The following CIT variants were observed in gnomAD, a reference collection of about 807,000 sequenced individuals.
CIT encodes the protein citron rho-interacting serine/threonine kinase, also known as citron Rho-interacting kinase.
In CIT, 79 loss-of-function variants were observed where a neutral mutation model predicts 272.7. That is an observed-to-expected ratio of 0.29 (90% CI 0.24 to 0.35). CIT has a LOEUF of 0.35. Among genes scored for constraint, CIT ranks in the 10% least tolerant of loss-of-function variants. The pLI, the probability that CIT is intolerant of heterozygous loss-of-function variation, is 1.00. For missense variants in CIT, 1,909 were observed against 2,618.3 expected, an observed-to-expected ratio of 0.73 and a Z score of 5.91; for synonymous variants, 948 against 995.6, an observed-to-expected ratio of 0.95 and a Z score of 0.90.
In CIT at chr12:119,710,131, A is replaced by T. The variant is rs1957092090; in HGVS notation, c.5071+120T>A. The T allele has an allele frequency of 6.3e-6, 7 of 1,117,588 alleles. No individual in the cohort carries two copies. The highest frequency in any genetic ancestry group is 2.0e-4 in the Middle Eastern group (1 of 4,900). 69.2% of individuals were successfully genotyped at this position (1,117,588 alleles called of 1,614,324 possible). A position where few individuals can be genotyped will look rare whatever the true frequency, so the allele number is the denominator to read the frequency against. ...GAGGCTTGGGCATCTATGGGGACAC[A>T]GAGATAAGAGCTACAACGGCTCCTC... On this transcript the variant is annotated intron_variant, in intron 39 of 47. Transcript: ENST00000392521. This position sits in a 1 kb window ranked among gnomAD's most constrained non-coding sequence, Gnocchi z 5.6.
At chr12:119,826,676 G>A (rs1281409826) in intron 7 of CIT, among the ~76,000 whole-genome samples, 3 of 152,160 alleles carry the variant, frequency 2.0e-5, no homozygotes. Context: ...TTGGCCAGCT[G>A]TCCTATAACT....
intron 28 of CIT, among the ~76,000 whole-genome samples, chr12:119,723,723 A>G (rs1267115758): frequency 6.6e-6 from 1 of 152,244 alleles, no homozygotes; most frequent in East Asian, 1.9e-4. Context: ...TGTCAATGGA[A>G]TAAATCTAGA....
At chr12:119,763,651 C>A (rs1200052752) in intron 19 of CIT, among the ~76,000 whole-genome samples, 1 of 152,128 alleles carries the variant, frequency 6.6e-6, no homozygotes, top group Non-Finnish European at 1.5e-5. Flanking sequence ...AAGGACCACT[C>A]AATTCTTTGA....
Position 119,718,261 on chromosome 12 carries a change from C to T in CIT, c.4152G>A (p.Glu1384=), listed in dbSNP as rs2053981845. ...CCAACGTACCCTCTGGAGTTGAAGA[C>T]TCCTTTCTGCGGCTGGATGGCGGGG... ...LLAPPSSRRK[E]SSTPEEFSRR... is the part of the protein sequence containing the mutation. The change falls in exon 32 of 48, where the codon GAG becomes GAA. Residue 1384 remains glutamate, a synonymous_variant. Coordinates refer to ENST00000392521, the MANE Select transcript of CIT (RefSeq NM_001206999.2). The surrounding 1 kb of genome is among the most constrained non-coding windows in gnomAD (Gnocchi z 4.8). 1.2e-6 allele frequency: 2 copies of T among 1,613,200 alleles called. No individual in the cohort carries two copies. Among genetic ancestry groups the T allele is most frequent in the Admixed American group, 3.3e-5 (2 of 59,928 alleles).
intron 41 of CIT, 129 bp from the exon 42 acceptor site, chr12:119,702,087 T>A: frequency 1.5e-6 from 1 of 688,394 alleles, no homozygotes; most frequent in Non-Finnish European, 2.5e-6. Context: ...CTTGTTCACG[T>A]TGTCATAGAG....
intron 10 of CIT, among the ~76,000 whole-genome samples, chr12:119,798,106 A>C (rs1965890329): frequency 6.6e-6 from 1 of 152,192 alleles, no homozygotes; most frequent in African/African-American, 2.4e-5. Flanking sequence ...CACACACACC[A>C]GATAAGAGTC....
At chr12:119,785,234 A>C (rs574652849) in intron 10 of CIT, among the ~76,000 whole-genome samples, 169 bp from the exon 11 acceptor site, 1 of 152,334 alleles carries the variant, frequency 6.6e-6, no homozygotes, top group East Asian at 1.9e-4. Context: ...TGATCTCTGC[A>C]AGCTGTGAAT....
In CIT at chr12:119,710,691, A is replaced by G; in HGVS notation, c.4855-71T>C. 1 of 1,394,274 alleles carries G rather than the reference A, an allele frequency of 7.2e-7. No individual in the cohort carries two copies. Among genetic ancestry groups the G allele is most frequent in the Non-Finnish European group, 1.0e-6 (1 of 982,014 alleles). 86.4% of individuals were successfully genotyped at this position (1,394,274 alleles called of 1,614,324 possible). ...TGATCTGTTTATGACCAAACCATCC[A>G]GAGAAACCAAGAGAAGGTTAAGGCC... On this transcript the variant is annotated intron_variant, in intron 37 of 47. Coordinates refer to ENST00000392521, the MANE Select transcript of CIT (RefSeq NM_001206999.2). The surrounding 1 kb of genome is among the most constrained non-coding windows in gnomAD (Gnocchi z 5.6).
At chr12:119,737,134 C>T (rs965539291) in intron 24 of CIT, among the ~76,000 whole-genome samples, 2 of 151,710 alleles carry the variant, frequency 1.3e-5, no homozygotes, top group African/African-American at 4.8e-5. Flanking sequence ...GGTGAAACCC[C>T]GTCTCTACTA....
intron 19 of CIT, among the ~76,000 whole-genome samples, chr12:119,763,703 A>G (rs960129353): frequency 3.3e-5 from 5 of 152,224 alleles, no homozygotes; most frequent in Admixed American, 6.5e-5. Flanking sequence ...ACAAAAATTG[A>G]AATCCCCCTT....
chr12:119,703,280 G>T (rs79513046), intron 41 of CIT, among the ~76,000 whole-genome samples: 2,322 of 152,202 alleles, frequency 0.015, 63 homozygotes, highest in African/African-American at 0.054. Context: ...GTGGTGAAAG[G>T]TGCTTGTAAA....
At chr12:119,773,077 T>C (rs1963354383) in intron 16 of CIT, among the ~76,000 whole-genome samples, 167 bp from the exon 17 acceptor site, 1 of 152,048 alleles carries the variant, frequency 6.6e-6, no homozygotes, top group Non-Finnish European at 1.5e-5. Flanking sequence ...ATACTGAATT[T>C]ACCATTTGTC....
intron 9 of CIT, among the ~76,000 whole-genome samples, chr12:119,818,795 G>A (rs2138012301): frequency 6.6e-6 from 1 of 152,316 alleles, no homozygotes; most frequent in East Asian, 1.9e-4. Context: ...CTTCCATTAT[G>A]CATTTCTCAC....
chr12:119,852,880 T>C (rs1970323242), intron 4 of CIT, among the ~76,000 whole-genome samples: 1 of 152,116 alleles, frequency 6.6e-6, no homozygotes, highest in Non-Finnish European at 1.5e-5. Context: ...ATATATTCTA[T>C]GTATATCAGT....
At position 119,784,419 on chromosome 12, in the gene CIT, A is replaced by G. The variant is rs1044053163; in HGVS notation, c.1402-368T>C. 3.3e-6 allele frequency: 4 copies of G among 1,218,884 alleles called. No homozygotes were observed. The African/African-American group carries it at 6.3e-5, about 19-fold the overall frequency. 75.5% of individuals were successfully genotyped at this position (1,218,884 alleles called of 1,614,324 possible). A position where few individuals can be genotyped will look rare whatever the true frequency, so the allele number is the denominator to read the frequency against. On this transcript the variant is annotated intron_variant, in intron 11 of 47. Coordinates refer to ENST00000392521, the MANE Select transcript of CIT (RefSeq NM_001206999.2). The surrounding 1 kb of genome is among the most constrained non-coding windows in gnomAD (Gnocchi z 4.7). The stretch of plus-strand genomic sequence containing the variant: ...TCTTGATCCCCCCCCATCTCCTTGC[A>G]AAGATCTAGAGGACAAATCCAGGAC...
chr12:119,818,521 G>A (rs1566086484), intron 9 of CIT, among the ~76,000 whole-genome samples: 1 of 152,126 alleles, frequency 6.6e-6, no homozygotes, highest in African/African-American at 2.4e-5. Context: ...CAATCAAAAC[G>A]ATACCTATTT....
chr12:119,858,073 A>C (rs1375769761), intron 3 of CIT, among the ~76,000 whole-genome samples: 1 of 152,238 alleles, frequency 6.6e-6, no homozygotes, highest in Non-Finnish European at 1.5e-5. Flanking sequence ...CATAGTCAAC[A>C]TGAGTCTAAT....
intron 4 of CIT, among the ~76,000 whole-genome samples, chr12:119,855,029 C>T (rs763520638): frequency 2.0e-5 from 3 of 152,138 alleles, no homozygotes; most frequent in Middle Eastern, 3.4e-3. Flanking sequence ...GAGGCTGAGG[C>T]GGGAGGGTCG....
Position 119,710,197 on chromosome 12 carries a change from A to G in CIT, c.5071+54T>C. ...TTTACGAGCATGAAACGTGGCTTCA[A>G]CATATTGGCTCCCTTGAAAGTAAAG... On this transcript the variant is annotated intron_variant, in intron 39 of 47. Transcript: ENST00000392521. This position sits in a 1 kb window ranked among gnomAD's most constrained non-coding sequence, Gnocchi z 5.6. 6.3e-7 allele frequency: 1 copy of G among 1,588,314 alleles called. No homozygotes were observed. Among genetic ancestry groups the G allele is most frequent in the Admixed American group, 1.8e-5 (1 of 54,872 alleles).
Sources: gnomAD v4.1 joint callset for allele counts (sites outside exome capture counted in the v4.1 genomes callset) on GRCh38, gnomAD v4.1.1 for gene constraint, Gnocchi (gnomAD v3.1) non-coding constraint, MANE v1.5 for transcripts, NCBI Gene and HGNC (gene_info 2026-07-23, HGNC 2026-07-21) for gene names.